KCNIP1: variants seen among roughly 807,000 people sequenced by gnomAD.
KCNIP1 encodes A-type potassium channel modulatory protein KCNIP1.
KCNIP1 carries 18 observed loss-of-function variants against 33.0 expected under a neutral mutation model. The ratio of observed to expected loss-of-function variants is 0.55; its 90% CI spans 0.38 to 0.81. KCNIP1 has a LOEUF of 0.81. KCNIP1 is among the 30% of genes least tolerant of loss of function. The probability of loss-of-function intolerance (pLI) is 0.00; values close to 1 mark genes in which losing one functional copy is unlikely to be tolerated. For missense variants in KCNIP1, 238 were observed against 271.6 expected (o/e 0.88, Z 0.87); for synonymous variants, 93 against 98.3 (o/e 0.95, Z 0.32).
chr5:170,726,552 G>C (rs977306167), intron 5 of KCNIP1, among the ~76,000 whole-genome samples: 14 of 152,036 alleles, frequency 9.2e-5, no homozygotes, highest in Admixed American at 7.2e-4. Context: ...AACACGTTGG[G>C]AAACATTTTG....
intron 1 of KCNIP1, among the ~76,000 whole-genome samples, chr5:170,581,888 A>G (rs1350612352): frequency 6.6e-6 from 1 of 152,204 alleles, no homozygotes; most frequent in Non-Finnish European, 1.5e-5. Flanking sequence ...GCTTCCATTC[A>G]TGGCAGAAAG....
At chr5:170,508,050 T>C (rs1754783429) in intron 1 of KCNIP1, among the ~76,000 whole-genome samples, 1 of 152,202 alleles carries the variant, frequency 6.6e-6, no homozygotes. Context: ...AGGAGGACCA[T>C]ACAGGTGCAG....
At chr5:170,465,852 G>C (rs1756598793) in intron 1 of KCNIP1, among the ~76,000 whole-genome samples, 1 of 152,170 alleles carries the variant, frequency 6.6e-6, no homozygotes, top group African/African-American at 2.4e-5. Flanking sequence ...GAGGGAGATG[G>C]TCCATTCCTG....
chr5:170,506,591 T>C (rs1361087661), intron 1 of KCNIP1, among the ~76,000 whole-genome samples: 2 of 152,152 alleles, frequency 1.3e-5, no homozygotes, highest in East Asian at 1.9e-4. Context: ...ACAAAGGTCT[T>C]TGCTTCTGTC....
At chr5:170,501,945 G>A (rs2113225502), upstream of KCNIP1, among the ~76,000 whole-genome samples, 1 of 152,308 alleles carries the variant, frequency 6.6e-6, no homozygotes, top group African/African-American at 2.4e-5. Context: ...TCCCTGGCCT[G>A]GACAAGCCCT....
intron 1 of KCNIP1, among the ~76,000 whole-genome samples, chr5:170,662,001 T>G (rs1219301072): frequency 6.6e-6 from 1 of 152,150 alleles, no homozygotes; most frequent in Non-Finnish European, 1.5e-5. Context: ...CAATGGAGGC[T>G]CCTCCTTGCC....
intron 1 of KCNIP1, chr5:170,383,490 C>A: frequency 3.0e-6 from 2 of 661,800 alleles, no homozygotes; most frequent in South Asian, 3.5e-5. Flanking sequence ...AGCCAGTTAG[C>A]GGCAGATTCA....
chr5:170,713,579 G>A (rs1487900704), intron 1 of KCNIP1, among the ~76,000 whole-genome samples: 1 of 152,176 alleles, frequency 6.6e-6, no homozygotes, highest in Non-Finnish European at 1.5e-5. Flanking sequence ...CATTTTCCAA[G>A]ACAAATCAGA....
At chr5:170,549,452 C>G (rs1028790665) in intron 1 of KCNIP1, among the ~76,000 whole-genome samples, 2 of 152,164 alleles carry the variant, frequency 1.3e-5, no homozygotes, top group Admixed American at 6.5e-5. Flanking sequence ...CATCCCTCAA[C>G]CCCCCTCCTC....
At chr5:170,450,681 C>G (rs944370534) in intron 1 of KCNIP1, among the ~76,000 whole-genome samples, 1 of 152,120 alleles carries the variant, frequency 6.6e-6, no homozygotes, top group Non-Finnish European at 1.5e-5. Context: ...CCAGTTGCTC[C>G]GACCACCTCC....
chr5:170,370,329 C>T (rs190116453), intron 1 of KCNIP1, among the ~76,000 whole-genome samples: 1 of 152,156 alleles, frequency 6.6e-6, no homozygotes, highest in African/African-American at 2.4e-5. Flanking sequence ...ATACAATGCA[C>T]CCTGTAAAAC....
intron 1 of KCNIP1, among the ~76,000 whole-genome samples, chr5:170,576,671 A>G (rs1447258868): frequency 1.3e-5 from 2 of 152,196 alleles, no homozygotes; most frequent in African/African-American, 4.8e-5. Flanking sequence ...GTGGGGACAA[A>G]TGAGTATTAC....
intron 1 of KCNIP1, among the ~76,000 whole-genome samples, chr5:170,366,296 G>A (rs946232446): frequency 5.9e-5 from 9 of 152,196 alleles, no homozygotes; most frequent in African/African-American, 1.2e-4. Context: ...AGAGTCCACC[G>A]GGGGCTCAAC....
chr5:170,399,902 G>A (rs1312132280), intron 1 of KCNIP1, among the ~76,000 whole-genome samples: 5 of 152,114 alleles, frequency 3.3e-5, no homozygotes, highest in Non-Finnish European at 7.3e-5. Flanking sequence ...CTTCCAACAG[G>A]TTCCTAAAAG....
At chr5:170,531,617 C>G (rs931153297) in intron 1 of KCNIP1, among the ~76,000 whole-genome samples, 3 of 152,208 alleles carry the variant, frequency 2.0e-5, no homozygotes, top group Non-Finnish European at 4.4e-5. Flanking sequence ...TTATGCCAAG[C>G]CTGCTCCTAA....
At chr5:170,701,574 CT>C (rs1763101191) in intron 1 of KCNIP1, among the ~76,000 whole-genome samples, 1 of 152,208 alleles carries the variant, frequency 6.6e-6, no homozygotes, top group Non-Finnish European at 1.5e-5. Context: ...AGTCTTCCAG[CT>C]GGCCCTCCGG....
intron 1 of KCNIP1, among the ~76,000 whole-genome samples, chr5:170,395,302 G>C (rs771835715): frequency 1.8e-4 from 27 of 152,178 alleles, no homozygotes; most frequent in Non-Finnish European, 7.4e-5. Context: ...TGACTGGTAC[G>C]AGGTGACATC....
chr5:170,632,662 T>C (rs934919084), intron 1 of KCNIP1, among the ~76,000 whole-genome samples: 4 of 152,168 alleles, frequency 2.6e-5, no homozygotes, highest in African/African-American at 9.6e-5. Flanking sequence ...ATTCCTAAAA[T>C]GTGATGCCCA....
intron 1 of KCNIP1, among the ~76,000 whole-genome samples, chr5:170,411,838 TAA>T (rs1755198481): frequency 6.6e-6 from 1 of 152,036 alleles, no homozygotes; most frequent in Non-Finnish European, 1.5e-5. Context: ...GAGCGCCAAA[TAA>T]AAGTCAGTGA....
Sources: gnomAD v4.1 joint callset for allele counts (sites outside exome capture counted in the v4.1 genomes callset) on GRCh38, gnomAD v4.1.1 for gene constraint, MANE v1.5 for transcripts, NCBI Gene and HGNC (gene_info 2026-07-23, HGNC 2026-07-21) for gene names.